The following DDX10 variants were observed in gnomAD, a reference collection of about 807,000 sequenced individuals.
The protein encoded by DDX10 is DEAD-box helicase 10, also known as probable ATP-dependent RNA helicase DDX10.
Under a neutral mutation model 104.3 loss-of-function variants are expected in DDX10, and 74 were observed. That is an observed-to-expected ratio of 0.71 (90% confidence interval 0.59 to 0.86). The LOEUF (loss-of-function observed/expected upper bound fraction) is 0.86. DDX10 is among the 40% of genes least tolerant of loss of function. The probability of loss-of-function intolerance (pLI) is 0.00; values close to 1 mark genes in which losing one functional copy is unlikely to be tolerated. For synonymous variants in DDX10, 351 were observed against 353.4 expected (o/e 0.99, Z 0.08); for missense variants, 952 against 1,040.0 (o/e 0.92, Z 1.16).
intron 9 of DDX10, among the ~76,000 whole-genome samples, chr11:108,694,685 C>A (rs917713630): frequency 2.6e-5 from 4 of 152,108 alleles, no homozygotes; most frequent in Non-Finnish European, 5.9e-5. Context: ...TCAAGACCAG[C>A]CTGAGCAACA....
At position 108,723,203 on chromosome 11, in the gene DDX10, C is replaced by G. The variant is rs1456899162; in HGVS notation, c.1706C>G (p.Thr569Arg). 6.2e-7 allele frequency: 1 copy of G among 1,613,514 alleles called. No individual in the cohort carries two copies. The highest frequency in any genetic ancestry group is 2.2e-5 in the East Asian group (1 of 44,792). ...AAAGGTGGAAAAAGACTCGAAGGGA[C>G]AGAGCACAGACAGGATAATGATACT... ...LQKGGKRLEG[T>R]EHRQDNDTGN... Residue 569 changes from threonine (T) to arginine (R), a missense_variant, in exon 13 of 18, where the codon ACA becomes AGA. Thr to Arg is a moderately conservative substitution (Grantham distance 71). This residue lies in a region of DDX10 where 533 missense variants were observed against 534.1 expected (regional missense o/e 1.00). Transcript: ENST00000322536.
chr11:108,676,614 T>C (rs1218598270), intron 3 of DDX10, among the ~76,000 whole-genome samples: 1 of 152,136 alleles, frequency 6.6e-6, no homozygotes, highest in Non-Finnish European at 1.5e-5. Context: ...GCCAAGCTGA[T>C]TTTTGTATTT....
At chr11:108,673,242 CTTTT>C (rs2094219353) in intron 1 of DDX10, among the ~76,000 whole-genome samples, 1 of 151,910 alleles carries the variant, frequency 6.6e-6, no homozygotes, top group Admixed American at 6.6e-5. Flanking sequence ...TATTGGGTGA[CTTTT>C]TTTTCCTTAC....
chr11:108,837,982 T>C (rs1476889928), intron 13 of DDX10, among the ~76,000 whole-genome samples: 1 of 152,102 alleles, frequency 6.6e-6, no homozygotes, highest in Non-Finnish European at 1.5e-5. Flanking sequence ...ATTACTATAA[T>C]TGGAAGAGGA....
chr11:108,809,832 GTGT>G (rs1311693423), intron 13 of DDX10, among the ~76,000 whole-genome samples: 2 of 152,172 alleles, frequency 1.3e-5, no homozygotes, highest in African/African-American at 4.8e-5. Flanking sequence ...TTTTGCATCT[GTGT>G]GTTCTACCCT....
At chr11:108,890,275 T>A (rs553415266) in intron 16 of DDX10, among the ~76,000 whole-genome samples, 1 of 152,308 alleles carries the variant, frequency 6.6e-6, no homozygotes, top group African/African-American at 2.4e-5. Flanking sequence ...TAATAGCCTA[T>A]AAGTAGGCTA....
At chr11:108,726,488 A>G (rs1198505665) in intron 13 of DDX10, among the ~76,000 whole-genome samples, 6 of 152,078 alleles carry the variant, frequency 3.9e-5, no homozygotes, top group East Asian at 1.9e-4. Flanking sequence ...TAAAATTTCA[A>G]TTTCCAATTA....
At chr11:108,687,567 T>A (rs1231980853) in intron 6 of DDX10, among the ~76,000 whole-genome samples, 1 of 152,206 alleles carries the variant, frequency 6.6e-6, no homozygotes, top group Non-Finnish European at 1.5e-5. Context: ...TATCTACATA[T>A]CCTCTTTGGA....
In DDX10 at chr11:108,788,071, A is replaced by G. The variant is rs150317633; in HGVS notation, c.1966-50375A>G. 2.0e-3 allele frequency among the ~76,000 whole-genome samples: 303 copies of G among 152,300 alleles called. 5 individuals are homozygous for G. Among genetic ancestry groups the G allele is most frequent in the African/African-American group, 6.8e-3 (282 of 41,572 alleles). Reference sequence around the variant, plus strand: ...ACTGTATTCCTTGGATTGGGTTTCAACTTTCTCCTGCATCTTGATGCGCTT... The same window carrying G: ...ACTGTATTCCTTGGATTGGGTTTCAGCTTTCTCCTGCATCTTGATGCGCTT... On this transcript the variant is annotated intron_variant, in intron 13 of 17. Transcript: ENST00000322536.
chr11:108,841,326 G>C lies in DDX10; in HGVS notation c.2097G>C (p.Gln699His). ...TTTTTTACCTGTAGTTGGTTCAGCA[G>C]TGGCCACAAATGCAGAAATCTGCCA... ...TFTDEGELVQQWPQMQKSAIK... is the reference protein window; with the variant it reads ...TFTDEGELVQHWPQMQKSAIK... The change falls in exon 15 of 18, where the codon CAG (glutamine) becomes CAC (histidine). Residue 699 changes from glutamine (Q) to histidine (H), a missense_variant. Physicochemically the swap from Gln to His is conservative, Grantham distance 24. Coordinates refer to ENST00000322536, the MANE Select transcript of DDX10 (RefSeq NM_004398.4). 6.2e-7 allele frequency: 1 copy of C among 1,612,790 alleles called. No homozygotes were observed. The highest frequency in any genetic ancestry group is 1.1e-5 in the South Asian group (1 of 90,970).
Position 108,770,767 on chromosome 11 carries a change from AT to A in DDX10, c.1965+47306del, listed in dbSNP as rs548596417. ...CCTCATTTTTTTTTTTAATCCATTCATCTGTTGATGGACACTTAGGTTGCTT... is the reference window on the plus strand; with the variant it reads ...CCTCATTTTTTTTTTTAATCCATTCACTGTTGATGGACACTTAGGTTGCTT... On this transcript the variant is annotated intron_variant, in intron 13 of 17. Transcript: ENST00000322536. Among the ~76,000 whole-genome samples the A allele has an allele frequency of 4.1e-3, 614 of 151,276 alleles. 4 individuals are homozygous for A. Among genetic ancestry groups the A allele is most frequent in the Admixed American group, 6.2e-3 (94 of 15,180 alleles).
chr11:108,872,659 AT>A (rs1863097810), intron 16 of DDX10, among the ~76,000 whole-genome samples: 2 of 152,166 alleles, frequency 1.3e-5, no homozygotes, highest in Non-Finnish European at 2.9e-5. Flanking sequence ...CACTAGTATC[AT>A]TTGTTTCTTT....
chr11:108,774,364 C>A (rs1437778634), intron 13 of DDX10, among the ~76,000 whole-genome samples: 3 of 152,204 alleles, frequency 2.0e-5, no homozygotes, highest in Non-Finnish European at 4.4e-5. Flanking sequence ...ACACAGTATA[C>A]CATTTTGTTA....
At chr11:108,806,358 G>GTTA (rs1201899312) in intron 13 of DDX10, among the ~76,000 whole-genome samples, 1 of 152,218 alleles carries the variant, frequency 6.6e-6, no homozygotes, top group African/African-American at 2.4e-5. Flanking sequence ...GTTTGATACT[G>GTTA]TGATAGAGAC....
At chr11:108,925,870 C>A (rs1467951483) in intron 17 of DDX10, among the ~76,000 whole-genome samples, 1 of 152,062 alleles carries the variant, frequency 6.6e-6, no homozygotes, top group African/African-American at 2.4e-5. Flanking sequence ...TGGTGGGCAG[C>A]TTTGTTGAAG....
chr11:108,686,676 G>A lies in DDX10; in HGVS notation c.849-2260G>A, dbSNP rs187892789. ...ACATCTTGATTGCCTTCAAGTTTTG[G>A]CAATTATGAATAAAGCTGCAATAAA... is the stretch of plus-strand genomic sequence containing the variant. On this transcript the variant is annotated intron_variant, in intron 6 of 17. Coordinates refer to ENST00000322536, the MANE Select transcript of DDX10 (RefSeq NM_004398.4). 3.0e-4 allele frequency among the ~76,000 whole-genome samples: 45 copies of A among 152,214 alleles called. No individual in the cohort carries two copies. In the East Asian group the frequency reaches 8.3e-3, roughly 28 times the overall value.
At chr11:108,683,771 C>T (rs1475322231) in intron 6 of DDX10, among the ~76,000 whole-genome samples, 6 of 152,128 alleles carry the variant, frequency 3.9e-5, no homozygotes, top group African/African-American at 1.4e-4. Flanking sequence ...CTATGTGATT[C>T]TGAGGTACAG....
intron 12 of DDX10, among the ~76,000 whole-genome samples, chr11:108,722,529 C>G (rs529972475): frequency 6.6e-6 from 1 of 152,294 alleles, no homozygotes; most frequent in Non-Finnish European, 1.5e-5. Flanking sequence ...CTGTAGAGAA[C>G]TGTTTTGTCC....
At chr11:108,745,530 A>G (rs975137605) in intron 13 of DDX10, among the ~76,000 whole-genome samples, 1 of 152,084 alleles carries the variant, frequency 6.6e-6, no homozygotes, top group African/African-American at 2.4e-5. Flanking sequence ...GAGCCACCAC[A>G]TCTGGCTGGA....
Sources: allele counts gnomAD v4.1 joint callset (sites outside exome capture counted in the v4.1 genomes callset), GRCh38; gene constraint gnomAD v4.1.1; regional missense constraint gnomAD v4.1.1; transcripts MANE v1.5; gene names NCBI Gene and HGNC (gene_info 2026-07-23, HGNC 2026-07-21).